PARP8: variants seen among roughly 807,000 people sequenced by gnomAD.
PARP8 encodes the protein poly(ADP-ribose) polymerase family member 8, also known as protein mono-ADP-ribosyltransferase PARP8.
PARP8 carries 51 observed loss-of-function variants against 124.1 expected under a neutral mutation model. That is an observed-to-expected ratio of 0.41 (90% CI 0.33 to 0.52). The LOEUF (loss-of-function observed/expected upper bound fraction) is 0.52. Among genes scored for constraint, PARP8 ranks in the 20% least tolerant of loss-of-function variants. The pLI, the probability that PARP8 is intolerant of heterozygous loss-of-function variation, is 0.21. For missense variants in PARP8, 860 were observed against 1,018.9 expected (o/e 0.84, Z 2.12); for synonymous variants, 391 against 361.5 (o/e 1.08, Z -0.93).
In PARP8 at chr5:50,834,038, C is replaced by T. The variant is rs773865304; in HGVS notation, c.2367C>T (p.Ala789=). 2.0e-5 allele frequency: 33 copies of T among 1,611,278 alleles called. No homozygotes were observed. Among genetic ancestry groups the T allele is most frequent in the Non-Finnish European group, 2.8e-5 (33 of 1,178,232 alleles). ...AAAGCCGTAACTTAAAATGCATAGC[C>T]TTATGTGAAGGTAAGTTGAAAGTTT... ...FLQSRNLKCI[A]LCEVITSSDL... is the part of the protein sequence containing the mutation. The change falls in exon 24 of 26, where the codon GCC becomes GCT. Residue 789 remains alanine, a synonymous_variant. Coordinates refer to ENST00000281631, the MANE Select transcript of PARP8 (RefSeq NM_024615.4).
At chr5:50,809,158 T>G (rs1744171238) in intron 14 of PARP8, among the ~76,000 whole-genome samples, 1 of 152,084 alleles carries the variant, frequency 6.6e-6, no homozygotes, top group Non-Finnish European at 1.5e-5. Flanking sequence ...GGATCTGCCT[T>G]AATTGCTGTG....
intron 2 of PARP8, among the ~76,000 whole-genome samples, chr5:50,670,198 G>T (rs1337538976): frequency 6.6e-6 from 1 of 152,094 alleles, no homozygotes; most frequent in Non-Finnish European, 1.5e-5. Context: ...GATTTAATGT[G>T]CTTATCAACT....
chr5:50,789,580 T>C (rs1168383532), intron 10 of PARP8, among the ~76,000 whole-genome samples: 3 of 152,204 alleles, frequency 2.0e-5, no homozygotes, highest in Non-Finnish European at 4.4e-5. Flanking sequence ...CTTGATTTCA[T>C]ACGAAGACAT....
Position 50,826,489 on chromosome 5 carries a change from G to T in PARP8, c.1929-266G>T, listed in dbSNP as rs77766627. On this transcript the variant is annotated intron_variant, in intron 18 of 25. Transcript: ENST00000281631. ...TCAAATGTTCATTTTGCTGATACTT[G>T]AGGTTATGCTTATTAAAAACTATGT... Among the ~76,000 whole-genome samples the T allele has an allele frequency of 1.4e-4, 21 of 152,150 alleles. No homozygotes were observed. In the East Asian group the frequency reaches 3.9e-3, roughly 28 times the overall value.
At chr5:50,829,680 A>G (rs1207595637) in intron 21 of PARP8, among the ~76,000 whole-genome samples, 1 of 152,220 alleles carries the variant, frequency 6.6e-6, no homozygotes, top group Non-Finnish European at 1.5e-5. Flanking sequence ...TAATGGTAGG[A>G]TGGAAAACAT....
intron 2 of PARP8, among the ~76,000 whole-genome samples, chr5:50,673,002 T>A (rs1464276243): frequency 6.6e-6 from 1 of 152,220 alleles, no homozygotes; most frequent in African/African-American, 2.4e-5. Context: ...GATGTCACAA[T>A]GAAAACAGTG....
intron 3 of PARP8, among the ~76,000 whole-genome samples, chr5:50,756,661 G>T (rs1561335883): frequency 6.6e-6 from 1 of 152,070 alleles, no homozygotes; most frequent in African/African-American, 2.4e-5. Flanking sequence ...CTTGATTATA[G>T]TCAAGTTATA....
chr5:50,723,104 C>T (rs1756066215), intron 2 of PARP8, among the ~76,000 whole-genome samples: 1 of 152,054 alleles, frequency 6.6e-6, no homozygotes. Flanking sequence ...ATAGCTTTTC[C>T]TTTACATGCA....
intron 7 of PARP8, among the ~76,000 whole-genome samples, chr5:50,763,708 T>C (rs1760784417): frequency 6.7e-6 from 1 of 150,256 alleles, no homozygotes; most frequent in South Asian, 2.2e-4. Context: ...TTACCTAATA[T>C]ATTATTTGGT....
intron 2 of PARP8, among the ~76,000 whole-genome samples, chr5:50,671,975 T>G (rs186856914): frequency 1.9e-3 from 293 of 152,290 alleles, no homozygotes; most frequent in Middle Eastern, 3.4e-3. Flanking sequence ...GGAGCTTCCG[T>G]CTAGATAAAT....
At position 50,831,708 on chromosome 5, in the gene PARP8, G is replaced by A. The variant is rs190465366; in HGVS notation, c.2234-1073G>A. Among the ~76,000 whole-genome samples the A allele has an allele frequency of 4.4e-4, 67 of 152,156 alleles. 1 individual carries two copies. Among genetic ancestry groups the A allele is most frequent in the Admixed American group, 3.3e-3 (50 of 15,266 alleles). ...ACTGTAATTTTCTGTTTTTTATACT[G>A]GTATATAGACTCCTTCAATGGGTAC... On this transcript the variant is annotated intron_variant, in intron 22 of 25. Coordinates refer to ENST00000281631, the MANE Select transcript of PARP8 (RefSeq NM_024615.4).
intron 2 of PARP8, among the ~76,000 whole-genome samples, chr5:50,740,636 C>T (rs1580162812): frequency 6.6e-6 from 1 of 151,864 alleles, no homozygotes; most frequent in Non-Finnish European, 1.5e-5. Context: ...ATACTGAGAC[C>T]TCATCTCTAC....
chr5:50,839,236 G>A (rs1386767681), intron 25 of PARP8, among the ~76,000 whole-genome samples: 1 of 151,676 alleles, frequency 6.6e-6, no homozygotes, highest in African/African-American at 2.4e-5. Flanking sequence ...TTACACTCCT[G>A]GGAATATGAA....
rs1400764489 is a variant in PARP8, at chr5:50,755,552, G to T, written c.185-4091G>T. Among the ~76,000 whole-genome samples, 3 of 152,052 alleles carry T rather than the reference G, an allele frequency of 2.0e-5. No individual in the cohort carries two copies. The East Asian group carries it at 5.8e-4, about 29-fold the overall frequency. On this transcript the variant is annotated intron_variant, in intron 3 of 25. Coordinates refer to ENST00000281631, the MANE Select transcript of PARP8 (RefSeq NM_024615.4). Reference sequence around the variant, plus strand: ...TCCATTGGTCTATATCTCTGTTTTGGTACCAGTACCATACTGTTTTGGTTG... The same window carrying T: ...TCCATTGGTCTATATCTCTGTTTTGTTACCAGTACCATACTGTTTTGGTTG...
At chr5:50,836,162 T>C (rs188085717) in intron 25 of PARP8, among the ~76,000 whole-genome samples, 11 of 152,254 alleles carry the variant, frequency 7.2e-5, no homozygotes, top group African/African-American at 2.6e-4. Flanking sequence ...GTTCTTACCA[T>C]AGATATTTGC....
At chr5:50,809,027 A>G (rs562013095) in intron 14 of PARP8, among the ~76,000 whole-genome samples, 30 of 152,078 alleles carry the variant, frequency 2.0e-4, no homozygotes, top group Non-Finnish European at 4.3e-4. Context: ...CATGGTTTAA[A>G]AAAAAATCCA....
intron 14 of PARP8, among the ~76,000 whole-genome samples, chr5:50,814,419 TTCTC>T (rs1396040687): frequency 6.6e-6 from 1 of 152,128 alleles, no homozygotes; most frequent in Non-Finnish European, 1.5e-5. Context: ...ATGAAGAACT[TTCTC>T]TACTTTCTCT....
intron 2 of PARP8, among the ~76,000 whole-genome samples, chr5:50,746,777 A>G (rs1315065658): frequency 6.6e-6 from 1 of 152,340 alleles, no homozygotes; most frequent in East Asian, 1.9e-4. Flanking sequence ...TTTTAATCCC[A>G]GTGCTTTAGA....
In PARP8 at chr5:50,674,300, G is replaced by A. The variant is rs367880810; in HGVS notation, c.146+6175G>A. 3.3e-5 allele frequency among the ~76,000 whole-genome samples: 5 copies of A among 152,272 alleles called. No homozygotes were observed. In the East Asian group the frequency reaches 7.7e-4, roughly 23 times the overall value. On this transcript the variant is annotated intron_variant, in intron 2 of 25. Transcript: ENST00000281631. ...AGTCAGTATCACATCTTTTGAGCCC[G>A]GTATGGGGATTACAGTTTCAGATTT...
Sources: gnomAD v4.1 joint callset for allele counts (sites outside exome capture counted in the v4.1 genomes callset) on GRCh38, gnomAD v4.1.1 for gene constraint, MANE v1.5 for transcripts, NCBI Gene and HGNC (gene_info 2026-07-23, HGNC 2026-07-21) for gene names.